MTHFD2L: variants seen among roughly 807,000 people sequenced by gnomAD.
MTHFD2L encodes the protein bifunctional methylenetetrahydrofolate dehydrogenase/cyclohydrolase 2, mitochondrial.
In MTHFD2L, 29 loss-of-function variants were observed where a neutral mutation model predicts 34.9. The observed-to-expected ratio is 0.83, with a 90% CI of 0.62 to 1.13. The LOEUF is 1.13. Ranked by LOEUF, MTHFD2L falls within the 50% of genes most tolerant of loss-of-function variation. The pLI is 0.00. For synonymous variants in MTHFD2L, 167 were observed against 155.7 expected, an observed-to-expected ratio of 1.07 and a Z score of -0.54; for missense variants, 481 against 446.5, an observed-to-expected ratio of 1.08 and a Z score of -0.70.
intron 5 of MTHFD2L, among the ~76,000 whole-genome samples, chr4:74,215,883 T>G (rs1472956719): frequency 2.6e-5 from 4 of 151,610 alleles, no homozygotes; most frequent in Non-Finnish European, 2.9e-5. Context: ...GTGCTGAATG[T>G]ACGTTTGGTG....
chr4:74,208,353 A>G (rs1485437682), intron 5 of MTHFD2L, among the ~76,000 whole-genome samples: 1 of 141,736 alleles, frequency 7.1e-6, no homozygotes, highest in African/African-American at 2.6e-5. Flanking sequence ...TTCTAAATTC[A>G]GCCATTTAGT....
intron 3 of MTHFD2L, chr4:74,190,589 G>C (rs1712080856): frequency 2.3e-6 from 2 of 871,196 alleles, no homozygotes; most frequent in Non-Finnish European, 2.8e-6. Flanking sequence ...CGAGGTTAGA[G>C]TGTGTTCCCA....
chr4:74,148,490 T>C (rs1723743846), intron 1 of MTHFD2L, among the ~76,000 whole-genome samples: 1 of 151,732 alleles, frequency 6.6e-6, no homozygotes, highest in Non-Finnish European at 1.5e-5. Context: ...CAGGTTCAAG[T>C]GATTCTCCTG....
At chr4:74,225,495 A>G (rs1739007077) in intron 6 of MTHFD2L, 101 bp downstream of exon 6, 2 of 846,772 alleles carry the variant, frequency 2.4e-6, no homozygotes, top group African/African-American at 1.7e-5. Context: ...AGTTAGCTTT[A>G]TGTATGACTA....
chr4:74,152,727 A>C (rs1724019170), intron 1 of MTHFD2L, among the ~76,000 whole-genome samples: 1 of 151,968 alleles, frequency 6.6e-6, no homozygotes, highest in Admixed American at 6.6e-5. Context: ...CCCTGTATCC[A>C]TGTGTTCTGA....
chr4:74,212,582 T>C (rs1736515092), intron 5 of MTHFD2L, among the ~76,000 whole-genome samples: 1 of 152,170 alleles, frequency 6.6e-6, no homozygotes, highest in Non-Finnish European at 1.5e-5. Flanking sequence ...TTTCCATTCT[T>C]TTATATTTGC....
intron 5 of MTHFD2L, among the ~76,000 whole-genome samples, chr4:74,214,464 C>G (rs1368286707): frequency 6.6e-6 from 1 of 151,694 alleles, no homozygotes; most frequent in Non-Finnish European, 1.5e-5. Flanking sequence ...CTAACAGGCC[C>G]CTCTGCTGCA....
intron 6 of MTHFD2L, among the ~76,000 whole-genome samples, chr4:74,256,362 C>A (rs989632345): frequency 6.6e-6 from 1 of 152,080 alleles, no homozygotes; most frequent in African/African-American, 2.4e-5. Flanking sequence ...CTGCCTGTCT[C>A]GGTACCTCCC....
At chr4:74,198,880 T>TTAAAG (rs5859420) in intron 3 of MTHFD2L, among the ~76,000 whole-genome samples, 151,748 of 152,192 alleles carry the variant, frequency 1, 75,652 homozygotes, top group Middle Eastern at 1. Context: ...TTAGCTTGAC[T>TTAAAG]TAAGGTAGCA....
At chr4:74,228,732 G>C (rs1480186953) in intron 6 of MTHFD2L, among the ~76,000 whole-genome samples, 1 of 152,184 alleles carries the variant, frequency 6.6e-6, no homozygotes, top group Non-Finnish European at 1.5e-5. Flanking sequence ...AAGAAGACAG[G>C]AAAAGAAAAA....
At position 74,170,434 on chromosome 4, in the gene MTHFD2L, C is replaced by A. The variant is rs998777176; in HGVS notation, c.144-4072C>A. On this transcript the variant is annotated intron_variant, in intron 1 of 7. Transcript: ENST00000325278. ...TAGCCTCATACAAATTCTCACCAAA[C>A]TAAAAATAGACATAAATCATAAACT... is the stretch of plus-strand genomic sequence containing the variant. 5.9e-5 allele frequency among the ~76,000 whole-genome samples: 9 copies of A among 152,248 alleles called. No individual in the cohort carries two copies. In the East Asian group the frequency reaches 1.5e-3, roughly 26 times the overall value.
At chr4:74,293,636 C>A in intron 7 of MTHFD2L, 1 of 465,600 alleles carries the variant, frequency 2.1e-6, no homozygotes, top group Non-Finnish European at 2.8e-6. Context: ...TGGCAAGCTA[C>A]TAACTTGTTA....
At chr4:74,126,554 C>T (rs892801243) in intron 1 of MTHFD2L, among the ~76,000 whole-genome samples, 3 of 151,888 alleles carry the variant, frequency 2.0e-5, no homozygotes, top group South Asian at 4.2e-4. Context: ...CACACTTTTT[C>T]TCTGGTGTGT....
In MTHFD2L at chr4:74,300,213, A is replaced by G. The variant is rs539304063; in HGVS notation, c.932-1484A>G. 1.1e-3 allele frequency among the ~76,000 whole-genome samples: 173 copies of G among 152,158 alleles called. 1 individual carries two copies. The highest frequency in any genetic ancestry group is 3.9e-3 in the African/African-American group (164 of 41,572). The stretch of plus-strand genomic sequence containing the variant: ...ATCATAGTATTCTTATATTTTCTTT[A>G]TAGCATCCCATCAGAAAATTCATAA... On this transcript the variant is annotated intron_variant, in intron 7 of 7. Transcript: ENST00000325278.
At chr4:74,166,455 A>G (rs1195422312) in intron 1 of MTHFD2L, among the ~76,000 whole-genome samples, 1 of 152,236 alleles carries the variant, frequency 6.6e-6, no homozygotes, top group Non-Finnish European at 1.5e-5. Flanking sequence ...GATTTTTTAA[A>G]TTAGTTTACT....
chr4:74,256,865 T>C (rs1578636109), intron 6 of MTHFD2L, among the ~76,000 whole-genome samples: 1 of 152,192 alleles, frequency 6.6e-6, no homozygotes, highest in Non-Finnish European at 1.5e-5. Flanking sequence ...TGAAGTTGGG[T>C]AATGTAGAGT....
chr4:74,278,356 A>G (rs904417881), intron 6 of MTHFD2L, among the ~76,000 whole-genome samples: 2 of 152,130 alleles, frequency 1.3e-5, no homozygotes, highest in Non-Finnish European at 2.9e-5. Flanking sequence ...ATTTGTTCCC[A>G]TTCAGATTCT....
intron 6 of MTHFD2L, among the ~76,000 whole-genome samples, chr4:74,241,207 T>A (rs1741660698): frequency 6.6e-6 from 1 of 152,184 alleles, no homozygotes; most frequent in Non-Finnish European, 1.5e-5. Context: ...TCAAATGATT[T>A]CTTCTATTCT....
At chr4:74,115,252 T>C (rs938413832) in intron 2 of MTHFD2L, among the ~76,000 whole-genome samples, 2 of 152,202 alleles carry the variant, frequency 1.3e-5, no homozygotes, top group African/African-American at 4.8e-5. Flanking sequence ...CATTAGTGGA[T>C]TTGAGATTGA....
Sources: allele counts gnomAD v4.1 joint callset (sites outside exome capture counted in the v4.1 genomes callset), GRCh38; gene constraint gnomAD v4.1.1; transcripts MANE v1.5; gene names NCBI Gene and HGNC (gene_info 2026-07-23, HGNC 2026-07-21).